Variants in LARGE1 observed in about 807,000 individuals in gnomAD.
LARGE1 encodes LARGE xylosyl- and glucuronyltransferase 1.
LARGE1 carries 43 observed loss-of-function variants against 87.6 expected under a neutral mutation model. That is an observed-to-expected ratio of 0.49 (90% CI 0.38 to 0.63). The LOEUF (loss-of-function observed/expected upper bound fraction) is 0.63, where lower values mean the gene tolerates loss of function less well. LARGE1 is among the 30% of genes least tolerant of loss of function. The probability of loss-of-function intolerance (pLI) is 0.00; values close to 1 mark genes in which losing one functional copy is unlikely to be tolerated. For missense variants in LARGE1, 802 were observed against 1,000.2 expected, an observed-to-expected ratio of 0.80 and a Z score of 2.67; for synonymous variants, 434 against 394.6, an observed-to-expected ratio of 1.10 and a Z score of -1.18.
chr22:33,213,369 T>C (rs1896270446), intron 11 of LARGE1, among the ~76,000 whole-genome samples: 1 of 152,240 alleles, frequency 6.6e-6, no homozygotes, highest in South Asian at 2.1e-4. Context: ...TAAACCTAAA[T>C]GATGAAGCAG....
At chr22:33,119,887 C>A in the LARGE1 span, among the ~76,000 whole-genome samples, 249 of 152,170 alleles carry the variant, frequency 1.6e-3, no homozygotes, top group African/African-American at 5.4e-3. Flanking sequence ...AGAGCATTTT[C>A]TCTGATAATC....
At chr22:33,379,165 G>A (rs1359003054) in intron 9 of LARGE1, among the ~76,000 whole-genome samples, 1 of 139,678 alleles carries the variant, frequency 7.2e-6, no homozygotes, top group East Asian at 2.0e-4. Flanking sequence ...AACTTTCAGT[G>A]GGGAAGTTCT....
At chr22:33,769,493 T>C (rs1433081901) in intron 1 of LARGE1, among the ~76,000 whole-genome samples, 1 of 152,192 alleles carries the variant, frequency 6.6e-6, no homozygotes, top group Admixed American at 6.5e-5. Context: ...TCAATAAATA[T>C]TTATTGAATG....
chr22:33,438,993 T>C (rs879689131), intron 6 of LARGE1, among the ~76,000 whole-genome samples: 3 of 152,008 alleles, frequency 2.0e-5, no homozygotes, highest in Non-Finnish European at 2.9e-5. Flanking sequence ...GGTGGATCAC[T>C]TGAAGTCAGG....
At chr22:33,588,619 A>G (rs944259731) in intron 5 of LARGE1, among the ~76,000 whole-genome samples, 2 of 152,242 alleles carry the variant, frequency 1.3e-5, no homozygotes, top group African/African-American at 4.8e-5. Flanking sequence ...AAATTAGAAT[A>G]TAAGTAATCC....
intron 1 of LARGE1, among the ~76,000 whole-genome samples, chr22:33,773,279 A>G (rs1181932671): frequency 6.6e-6 from 1 of 152,236 alleles, no homozygotes; most frequent in Non-Finnish European, 1.5e-5. Flanking sequence ...AAGATTCATC[A>G]TGTGAACTCT....
At chr22:33,825,693 T>C (rs187747316) in intron 1 of LARGE1, among the ~76,000 whole-genome samples, 24 of 152,246 alleles carry the variant, frequency 1.6e-4, no homozygotes, top group African/African-American at 4.1e-4. Flanking sequence ...ACACTGGCGA[T>C]TACACGAACT....
chr22:33,531,916 T>A (rs543030731), intron 6 of LARGE1, among the ~76,000 whole-genome samples: 1 of 152,336 alleles, frequency 6.6e-6, no homozygotes, highest in African/African-American at 2.4e-5. Context: ...CTTCCAATGG[T>A]TCCATGCAAC....
intron 1 of LARGE1, among the ~76,000 whole-genome samples, chr22:33,763,925 C>T (rs978942620): frequency 3.6e-5 from 5 of 138,844 alleles, no homozygotes; most frequent in Non-Finnish European, 6.1e-5. Context: ...TCTCAGCTCA[C>T]TGCAACCTCC....
At chr22:33,344,565 T>C (rs2146662891) in intron 9 of LARGE1, among the ~76,000 whole-genome samples, 1 of 152,322 alleles carries the variant, frequency 6.6e-6, no homozygotes, top group African/African-American at 2.4e-5. Flanking sequence ...GGCCAGCTTC[T>C]GTCTCCTGGG....
intron 6 of LARGE1, among the ~76,000 whole-genome samples, chr22:33,473,734 G>A (rs1386999615): frequency 6.6e-6 from 1 of 152,092 alleles, no homozygotes; most frequent in Non-Finnish European, 1.5e-5. Context: ...GTCAGCCACC[G>A]AGCCCAGCAC....
intron 5 of LARGE1, among the ~76,000 whole-genome samples, chr22:33,569,020 T>C (rs5749631): frequency 0.46 from 70,147 of 151,930 alleles, 18,694 homozygotes; most frequent in Non-Finnish European, 0.61. Context: ...TATCCTTCCT[T>C]TAGAGTGAGC....
intron 2 of LARGE1, among the ~76,000 whole-genome samples, chr22:33,756,315 C>T (rs189308157): frequency 3.3e-5 from 5 of 152,174 alleles, no homozygotes; most frequent in Admixed American, 2.0e-4. Flanking sequence ...GGTGGAAGGG[C>T]GAGCTAAAGA....
At chr22:33,151,999 G>T in the LARGE1 span, among the ~76,000 whole-genome samples, 1 of 151,436 alleles carries the variant, frequency 6.6e-6, no homozygotes, top group East Asian at 1.9e-4. Flanking sequence ...TGATTGTATA[G>T]AATTGTGTTT....
intron 11 of LARGE1, among the ~76,000 whole-genome samples, chr22:33,257,579 G>A (rs1224823711): frequency 2.0e-5 from 3 of 152,150 alleles, no homozygotes; most frequent in Non-Finnish European, 4.4e-5. Context: ...AGGAGATAAC[G>A]CATCTGCCCA....
the LARGE1 span, among the ~76,000 whole-genome samples, chr22:33,107,888 T>C: frequency 5.3e-5 from 8 of 151,978 alleles, no homozygotes; most frequent in Non-Finnish European, 8.8e-5. Flanking sequence ...AGGCTTTATT[T>C]AATTTTATGA....
chr22:33,296,291 A>T (rs5994714), intron 12 of LARGE1, among the ~76,000 whole-genome samples: 7,057 of 152,258 alleles, frequency 0.046, 543 homozygotes, highest in African/African-American at 0.16. Flanking sequence ...ACACGTTACA[A>T]CTTTGTGCCA....
intron 11 of LARGE1, among the ~76,000 whole-genome samples, chr22:33,232,895 C>T (rs1199706954): frequency 5.9e-5 from 9 of 152,256 alleles, no homozygotes; most frequent in Admixed American, 1.3e-4. Context: ...AATGACTGCA[C>T]ACCAAATATA....
chr22:33,365,619 T>C (rs868444427), intron 9 of LARGE1, among the ~76,000 whole-genome samples: 2,354 of 149,754 alleles, frequency 0.016, 63 homozygotes, highest in African/African-American at 0.049. Context: ...TTTCTCTCTT[T>C]TTTTTTTTTT....
Sources: gnomAD v4.1 joint callset for allele counts (sites outside exome capture counted in the v4.1 genomes callset) on GRCh38, gnomAD v4.1.1 for gene constraint, MANE v1.5 for transcripts, NCBI Gene and HGNC (gene_info 2026-07-23, HGNC 2026-07-21) for gene names.